SLC24A2: variants seen among roughly 807,000 people sequenced by gnomAD.
SLC24A2 encodes solute carrier family 24 member 2, also known as sodium/potassium/calcium exchanger 2.
Under a neutral mutation model 62.0 loss-of-function variants are expected in SLC24A2, and 36 were observed. The ratio of observed to expected loss-of-function variants is 0.58; its 90% CI spans 0.44 to 0.77. SLC24A2 has a LOEUF of 0.77. SLC24A2 is among the 30% of genes least tolerant of loss of function. The probability of loss-of-function intolerance (pLI) is 0.00; values close to 1 mark genes in which losing one functional copy is unlikely to be tolerated. For missense variants in SLC24A2, 846 were observed against 817.9 expected, an observed-to-expected ratio of 1.03 and a Z score of -0.42; for synonymous variants, 358 against 294.0, an observed-to-expected ratio of 1.22 and a Z score of -2.23.
chr9:19,581,278 G>A (rs568756040), intron 5 of SLC24A2, among the ~76,000 whole-genome samples: 1 of 152,286 alleles, frequency 6.6e-6, no homozygotes, highest in South Asian at 2.1e-4. Context: ...AGGTGATAGA[G>A]CTGGCTTTCT....
At chr9:20,258,149 A>G in the SLC24A2 span, among the ~76,000 whole-genome samples, 2 of 152,342 alleles carry the variant, frequency 1.3e-5, no homozygotes, top group South Asian at 4.1e-4. Context: ...CGGAACGGTG[A>G]TATGTTACAT....
At chr9:20,127,049 C>G in the SLC24A2 span, among the ~76,000 whole-genome samples, 1 of 152,030 alleles carries the variant, frequency 6.6e-6, no homozygotes, top group Non-Finnish European at 1.5e-5. Context: ...ATAGATTTTT[C>G]TTGCCTTCTC....
At chr9:20,289,871 T>C in the SLC24A2 span, among the ~76,000 whole-genome samples, 1 of 152,128 alleles carries the variant, frequency 6.6e-6, no homozygotes, top group African/African-American at 2.4e-5. Flanking sequence ...ATGGAAAAAT[T>C]GGAATTTTTT....
intron 2 of SLC24A2, among the ~76,000 whole-genome samples, chr9:19,646,033 A>G (rs979590244): frequency 2.0e-5 from 3 of 152,140 alleles, no homozygotes; most frequent in Admixed American, 1.3e-4. Context: ...CATCCTTTCT[A>G]TGGATGCTAG....
chr9:19,746,881 T>A (rs1040956342), intron 2 of SLC24A2, among the ~76,000 whole-genome samples: 26 of 152,152 alleles, frequency 1.7e-4, no homozygotes, highest in African/African-American at 5.5e-4. Flanking sequence ...GTCCCTAACC[T>A]GCTAGATCTG....
chr9:19,700,906 A>G (rs150272249), intron 2 of SLC24A2, among the ~76,000 whole-genome samples: 221 of 152,270 alleles, frequency 1.5e-3, no homozygotes, highest in African/African-American at 5.2e-3. Context: ...GACCTAACGG[A>G]TCAACATTTC....
chr9:20,248,144 G>C, the SLC24A2 span, among the ~76,000 whole-genome samples: 1 of 152,158 alleles, frequency 6.6e-6, no homozygotes, highest in Non-Finnish European at 1.5e-5. Context: ...TGATTCCTGA[G>C]TTGGAATGGA....
the SLC24A2 span, among the ~76,000 whole-genome samples, chr9:20,063,045 G>A: frequency 8.5e-6 from 1 of 117,076 alleles, no homozygotes; most frequent in Non-Finnish European, 1.7e-5. Flanking sequence ...CTGTTGGTGG[G>A]ACTGTAAACT....
chr9:19,623,063 G>A (rs1239309095), intron 2 of SLC24A2, among the ~76,000 whole-genome samples: 2 of 152,110 alleles, frequency 1.3e-5, no homozygotes, highest in East Asian at 3.8e-4. Flanking sequence ...GGAAGCGAAC[G>A]CAACTCAGAC....
chr9:20,070,813 G>C, the SLC24A2 span, among the ~76,000 whole-genome samples: 10 of 152,354 alleles, frequency 6.6e-5, no homozygotes, highest in South Asian at 1.7e-3. Context: ...AAAAGGTAGA[G>C]AGAATACTCC....
chr9:20,262,171 CT>C, the SLC24A2 span, among the ~76,000 whole-genome samples: 1 of 152,218 alleles, frequency 6.6e-6, no homozygotes, highest in Non-Finnish European at 1.5e-5. Context: ...TCTGACCAAG[CT>C]TGCTTCCAGC....
the SLC24A2 span, among the ~76,000 whole-genome samples, chr9:19,914,989 G>T: frequency 6.6e-6 from 1 of 152,064 alleles, no homozygotes. Flanking sequence ...CCATTTTAAA[G>T]TGTGCAATCT....
the SLC24A2 span, among the ~76,000 whole-genome samples, chr9:19,864,987 T>C: frequency 1.3e-5 from 2 of 151,748 alleles, no homozygotes; most frequent in Non-Finnish European, 2.9e-5. Context: ...TTAATAAAGT[T>C]GCAGGATACA....
the SLC24A2 span, among the ~76,000 whole-genome samples, chr9:20,154,320 C>G: frequency 6.6e-6 from 1 of 151,760 alleles, no homozygotes; most frequent in Admixed American, 6.6e-5. Flanking sequence ...TGGGTACTGA[C>G]AGCCTGGTGT....
the SLC24A2 span, among the ~76,000 whole-genome samples, chr9:20,108,475 T>G: frequency 6.6e-6 from 1 of 152,220 alleles, no homozygotes; most frequent in Admixed American, 6.5e-5. Context: ...TAGACTGGAT[T>G]AAGAAAACTT....
the SLC24A2 span, among the ~76,000 whole-genome samples, chr9:19,990,798 T>C: frequency 6.7e-6 from 1 of 149,986 alleles, no homozygotes; most frequent in African/African-American, 2.5e-5. Flanking sequence ...ATCCAGTGGA[T>C]CCACGTTGAA....
chr9:19,927,430 G>A, the SLC24A2 span: 1 of 152,296 alleles, frequency 6.6e-6, no homozygotes, highest in Admixed American at 6.5e-5. Context: ...TGAAAGTCAA[G>A]AGCTTAGCAC....
At chr9:19,875,893 C>A in the SLC24A2 span, among the ~76,000 whole-genome samples, 1 of 152,188 alleles carries the variant, frequency 6.6e-6, no homozygotes, top group African/African-American at 2.4e-5. Context: ...TTCCAAGGCA[C>A]ATGGATTAAC....
the SLC24A2 span, among the ~76,000 whole-genome samples, chr9:20,193,414 A>T: frequency 6.6e-6 from 1 of 152,032 alleles, no homozygotes; most frequent in South Asian, 2.1e-4. Flanking sequence ...AAAGCAAGAA[A>T]ACTTGAAAGC....
Sources: gnomAD v4.1 joint callset for allele counts (sites outside exome capture counted in the v4.1 genomes callset) on GRCh38, gnomAD v4.1.1 for gene constraint, MANE v1.5 for transcripts, NCBI Gene and HGNC (gene_info 2026-07-23, HGNC 2026-07-21) for gene names.